The following LRRK1 variants were observed in gnomAD, a reference collection of about 807,000 sequenced individuals.
The protein encoded by LRRK1 is leucine rich repeat kinase 1.
In LRRK1, 113 loss-of-function variants were observed where a neutral mutation model predicts 209.1. The observed-to-expected ratio is 0.54, with a 90% confidence interval of 0.46 to 0.63. The LOEUF (loss-of-function observed/expected upper bound fraction) is 0.63. Among genes scored for constraint, LRRK1 ranks in the 30% least tolerant of loss-of-function variants. The pLI, the probability that LRRK1 is intolerant of heterozygous loss-of-function variation, is 0.00. For synonymous variants in LRRK1, 1,144 were observed against 1,099.7 expected (o/e 1.04, Z -0.80); for missense variants, 2,284 against 2,632.2 (o/e 0.87, Z 2.89).
chr15:101,063,793 C>T (rs1430805804), intron 31 of LRRK1, among the ~76,000 whole-genome samples: 1 of 145,536 alleles, frequency 6.9e-6, no homozygotes, highest in Non-Finnish European at 1.5e-5. Context: ...TTCTCTTCAC[C>T]CTTCTTCAGT....
intron 2 of LRRK1, among the ~76,000 whole-genome samples, chr15:100,946,491 G>A (rs1304810087): frequency 2.0e-5 from 3 of 152,156 alleles, no homozygotes; most frequent in Admixed American, 6.5e-5. Flanking sequence ...ATTATAATTA[G>A]TCCAGGAAAG....
chr15:100,978,930 A>G (rs1025012431), intron 3 of LRRK1, among the ~76,000 whole-genome samples: 1 of 152,074 alleles, frequency 6.6e-6, no homozygotes, highest in Non-Finnish European at 1.5e-5. Flanking sequence ...AACCAAAGAC[A>G]GTGTTAAAAA....
intron 2 of LRRK1, among the ~76,000 whole-genome samples, chr15:100,961,638 T>G (rs2029963010): frequency 2.7e-5 from 3 of 110,066 alleles, no homozygotes; most frequent in African/African-American, 3.6e-5. Flanking sequence ...AGCAACAGAG[T>G]GAGACTCCGT....
Position 101,022,661 on chromosome 15 carries a change from C to T in LRRK1, c.2067+64C>T. ...AGGAACATCCCTTGGACTCCTTCTC[C>T]CTTCTCCCCAGAGAGCCCAGGATTT... On this transcript the variant is annotated intron_variant, in intron 15 of 33. Coordinates refer to ENST00000388948, the MANE Select transcript of LRRK1 (RefSeq NM_024652.6). The surrounding 1 kb of genome is among the most constrained non-coding windows in gnomAD (Gnocchi z 4.0). 1.7e-6 allele frequency: 2 copies of T among 1,196,502 alleles called. No homozygotes were observed. The highest frequency in any genetic ancestry group is 2.5e-5 in the East Asian group (1 of 39,306). The allele number at this position is 1,196,502 out of a possible 1,614,324, so 74.1% of individuals were successfully genotyped here.
intron 2 of LRRK1, among the ~76,000 whole-genome samples, chr15:100,939,281 T>C (rs1360709111): frequency 1.3e-5 from 2 of 152,256 alleles, no homozygotes. Context: ...TTCTTTTTCA[T>C]TGCAGTTTCT....
intron 7 of LRRK1, 87 bp from the exon 8 acceptor site, chr15:101,010,363 A>T: frequency 6.8e-7 from 1 of 1,471,094 alleles, no homozygotes; most frequent in Non-Finnish European, 9.2e-7. Context: ...AAGAAAAAAA[A>T]TACACCTCTT....
At chr15:101,020,565 A>T (rs1238706057) in intron 12 of LRRK1, among the ~76,000 whole-genome samples, 1 of 151,878 alleles carries the variant, frequency 6.6e-6, no homozygotes, top group African/African-American at 2.4e-5. Flanking sequence ...TAGTAGAGAC[A>T]GGGTTTTACC....
intron 2 of LRRK1, among the ~76,000 whole-genome samples, chr15:100,928,163 T>C (rs1596154156): frequency 2.0e-5 from 3 of 152,374 alleles, no homozygotes; most frequent in Middle Eastern, 3.4e-3. Flanking sequence ...TTTAAATTAT[T>C]GTTTATTTAA....
In LRRK1 at chr15:101,073,916, C is replaced by A. The variant is rs192748930; in HGVS notation, c.*5068C>A. Reference sequence around the variant, plus strand: ...AATGCCTTATTTTCTTCTGCAATGCCGCTTGACCCCAATACAAACTCAACA... The same window carrying A: ...AATGCCTTATTTTCTTCTGCAATGCAGCTTGACCCCAATACAAACTCAACA... On this transcript the variant is annotated 3_prime_UTR_variant, in exon 34 of 34. Coordinates refer to ENST00000388948, the MANE Select transcript of LRRK1 (RefSeq NM_024652.6). The A allele has an allele frequency of 6.6e-6, 1 of 152,216 alleles. No homozygotes were observed. The highest frequency in any genetic ancestry group is 1.9e-4 in the East Asian group (1 of 5,172). 9.4% of individuals were successfully genotyped at this position (152,216 alleles called of 1,614,324 possible). A position where few individuals can be genotyped will look rare whatever the true frequency, so the allele number is the denominator to read the frequency against.
intron 2 of LRRK1, among the ~76,000 whole-genome samples, chr15:100,941,464 C>CTGTGTGTG (rs763355554): frequency 1.1e-3 from 100 of 88,816 alleles, no homozygotes; most frequent in East Asian, 7.7e-3. Context: ...GTCTATGTCT[C>CTGTGTGTG]TGTGTGTGTG....
chr15:100,937,628 A>G (rs1004211136), intron 2 of LRRK1, among the ~76,000 whole-genome samples: 5 of 151,244 alleles, frequency 3.3e-5, no homozygotes, highest in East Asian at 2.0e-4. Context: ...TCTGCCTCCC[A>G]GGTTGATGCC....
chr15:100,988,602 C>T, intron 4 of LRRK1, 32 bp from the exon 5 acceptor site: 3 of 1,610,526 alleles, frequency 1.9e-6, no homozygotes, highest in Non-Finnish European at 1.7e-6. Flanking sequence ...CCTTCAGTGG[C>T]ACTTTCCCTT....
At chr15:101,008,571 G>T (rs950679019) in intron 6 of LRRK1, among the ~76,000 whole-genome samples, 1 of 151,910 alleles carries the variant, frequency 6.6e-6, no homozygotes. Flanking sequence ...CGCGCCCACC[G>T]GCGCCCTCTG....
In LRRK1 at chr15:101,075,902, C is replaced by G. The variant is rs913344060; in HGVS notation, c.*7054C>G. ...AGCAAATTACCTGGGCTGTACTGCC[C>G]CAAAGCTTCACAGACAGCCCCCATT... On this transcript the variant is annotated 3_prime_UTR_variant, in exon 34 of 34. Transcript: ENST00000388948. 8 of 152,332 alleles carry G rather than the reference C, an allele frequency of 5.3e-5. No individual in the cohort carries two copies. The East Asian group carries it at 7.7e-4, about 15-fold the overall frequency. 9.4% of individuals were successfully genotyped at this position (152,332 alleles called of 1,614,324 possible). A position where few individuals can be genotyped will look rare whatever the true frequency, so the allele number is the denominator to read the frequency against.
intron 4 of LRRK1, among the ~76,000 whole-genome samples, chr15:100,988,384 T>A (rs891425978): frequency 6.6e-6 from 1 of 152,172 alleles, no homozygotes; most frequent in African/African-American, 2.4e-5. Flanking sequence ...CCCTTATAAG[T>A]GATAACATGC....
At position 101,052,996 on chromosome 15, in the gene LRRK1, C is replaced by T; in HGVS notation, c.3764C>T (p.Thr1255Ile). ...GSVLGQGGSG[T>I]VIYRARYQGQ... is the part of the protein sequence containing the mutation. ...GTCCTGGGCCAGGGCGGCAGTGGCA[C>T]CGTCATCTACCGGGCCCGGTACCAG... is the stretch of plus-strand genomic sequence containing the variant. Residue 1255 changes from threonine (T) to isoleucine (I), a missense_variant, in exon 25 of 34, where the codon ACC (threonine) becomes ATC (isoleucine). Physicochemically the swap from Thr to Ile is moderately conservative, Grantham distance 89 (BLOSUM62 -1). Transcript: ENST00000388948. 1 of 1,613,072 alleles carries T rather than the reference C, an allele frequency of 6.2e-7. No individual in the cohort carries two copies. Among genetic ancestry groups the T allele is most frequent in the Non-Finnish European group, 8.5e-7 (1 of 1,179,528 alleles).
intron 21 of LRRK1, among the ~76,000 whole-genome samples, chr15:101,046,521 G>A (rs781191745): frequency 7.2e-5 from 11 of 152,194 alleles, no homozygotes; most frequent in Non-Finnish European, 1.5e-4. Context: ...TCCATTCCCC[G>A]AGGTGATGCC....
chr15:100,972,363 A>AGAGAGAGAGAGAGTGTGTGTGT (rs1176201849), intron 2 of LRRK1, among the ~76,000 whole-genome samples: 10 of 98,474 alleles, frequency 1.0e-4, no homozygotes, highest in South Asian at 3.4e-4. Context: ...AGAGAGAGAG[A>AGAGAGAGAGAGAGTGTGTGTGT]GTGTGTGTGT....
At chr15:101,065,289 CTG>C (rs375444638) in intron 31 of LRRK1, 61 bp from the exon 32 acceptor site, 10 of 1,565,528 alleles carry the variant, frequency 6.4e-6, no homozygotes, top group Middle Eastern at 1.7e-4. Flanking sequence ...AGTGCCTACT[CTG>C]TGTCTCTCTT....
Sources: allele counts gnomAD v4.1 joint callset (sites outside exome capture counted in the v4.1 genomes callset), GRCh38; gene constraint gnomAD v4.1.1; non-coding constraint Gnocchi (gnomAD v3.1); transcripts MANE v1.5; gene names NCBI Gene and HGNC (gene_info 2026-07-23, HGNC 2026-07-21).